CHRNA7: variants seen among roughly 807,000 people sequenced by gnomAD.
CHRNA7 encodes neuronal acetylcholine receptor subunit alpha-7.
CHRNA7 carries 17 observed loss-of-function variants against 48.0 expected under a neutral mutation model. That is an observed-to-expected ratio of 0.35 (90% CI 0.24 to 0.53). CHRNA7 has a LOEUF of 0.53. CHRNA7 is among the 20% of genes least tolerant of loss of function. The pLI, the probability that CHRNA7 is intolerant of heterozygous loss-of-function variation, is 0.92. For missense variants in CHRNA7, 155 were observed against 577.7 expected (o/e 0.27, Z 7.50); for synonymous variants, 75 against 242.3 (o/e 0.31, Z 6.41).
At chr15:32,102,119 C>T (rs2141262238) in intron 3 of CHRNA7, 1 of 150,386 alleles carries the variant, frequency 6.6e-6, no homozygotes, top group South Asian at 2.1e-4. Flanking sequence ...TTGAAAGTCT[C>T]TTTTTTGTTT....
At chr15:32,092,782 C>T (rs896680043) in intron 2 of CHRNA7, among the ~76,000 whole-genome samples, 3 of 152,108 alleles carry the variant, frequency 2.0e-5, no homozygotes, top group African/African-American at 7.2e-5. Flanking sequence ...TCATCTTATC[C>T]CCTTCCCTTT....
intron 2 of CHRNA7, among the ~76,000 whole-genome samples, chr15:32,050,439 G>A (rs8032704): frequency 0.21 from 32,573 of 152,012 alleles, 4,674 homozygotes; most frequent in South Asian, 0.4. Flanking sequence ...TGATCGCATC[G>A]GCTCCTGAGG....
At chr15:32,036,679 CAT>C (rs199829802) in intron 2 of CHRNA7, among the ~76,000 whole-genome samples, 1,617 of 151,818 alleles carry the variant, frequency 0.011, 27 homozygotes, top group African/African-American at 0.038. Flanking sequence ...TCCCTGATGA[CAT>C]ATGATGTGGA....
intron 3 of CHRNA7, chr15:32,111,216 C>G (rs1484096000): frequency 6.6e-6 from 1 of 152,332 alleles, no homozygotes; most frequent in African/African-American, 2.4e-5. Context: ...TCCTTTCGTC[C>G]TGACTCTGCG....
chr15:32,100,394 C>G (rs2050550071), intron 2 of CHRNA7: 1 of 152,212 alleles, frequency 6.6e-6, no homozygotes, highest in Admixed American at 6.5e-5. Context: ...CTCAGTATGA[C>G]TATTGTACAG....
At chr15:32,065,644 A>G (rs576127096) in intron 2 of CHRNA7, among the ~76,000 whole-genome samples, 1 of 152,364 alleles carries the variant, frequency 6.6e-6, no homozygotes, top group African/African-American at 2.4e-5. Context: ...AAGGCCTTAG[A>G]CTCTCACCTC....
chr15:32,040,596 A>G (rs11854316), intron 2 of CHRNA7, among the ~76,000 whole-genome samples: 9 of 91,968 alleles, frequency 9.8e-5, no homozygotes, highest in Non-Finnish European at 2.6e-4. Context: ...GTGTGTGTGT[A>G]TATGTGTGTA....
At chr15:32,044,737 A>T (rs770248426) in intron 2 of CHRNA7, among the ~76,000 whole-genome samples, 5 of 152,358 alleles carry the variant, frequency 3.3e-5, no homozygotes, top group South Asian at 2.1e-4. Context: ...AAAAAATTTC[A>T]GTTGCCCCAA....
Position 32,035,850 on chromosome 15 carries a change from A to G in CHRNA7, c.195+4813A>G, listed in dbSNP as rs189482064. On this transcript the variant is annotated intron_variant, in intron 2 of 9. Transcript: ENST00000306901. ...GAAGAAGAAGGTACAGAGATTTCCC[A>G]CAGCTTCCTCAATTATCAACATTCC... Among the ~76,000 whole-genome samples, 256 of 152,298 alleles carry G rather than the reference A, an allele frequency of 1.7e-3. 3 individuals are homozygous for G. The highest frequency in any genetic ancestry group is 5.0e-4 in the Non-Finnish European group (34 of 68,016).
chr15:32,053,256 C>G (rs1200691276), intron 2 of CHRNA7, among the ~76,000 whole-genome samples: 1 of 152,218 alleles, frequency 6.6e-6, no homozygotes, highest in Non-Finnish European at 1.5e-5. Flanking sequence ...GGGTTCAGCT[C>G]TCTCAGAGCT....
At chr15:32,080,863 A>G (rs898495061) in intron 2 of CHRNA7, among the ~76,000 whole-genome samples, 17 of 152,218 alleles carry the variant, frequency 1.1e-4, no homozygotes, top group African/African-American at 3.6e-4. Flanking sequence ...TTGTAGCACT[A>G]TTCACAATAG....
chr15:32,062,200 A>G (rs1213681951), intron 2 of CHRNA7, among the ~76,000 whole-genome samples: 4 of 152,222 alleles, frequency 2.6e-5, no homozygotes, highest in African/African-American at 9.7e-5. Context: ...GAACCTCACA[A>G]TACTGAAGGT....
chr15:32,098,387 G>A (rs1270379064), intron 2 of CHRNA7, among the ~76,000 whole-genome samples: 1 of 152,140 alleles, frequency 6.6e-6, no homozygotes, highest in Non-Finnish European at 1.5e-5. Flanking sequence ...GCCGGTCAAG[G>A]TCTTATAGGA....
chr15:32,115,957 G>C (rs907093393), intron 4 of CHRNA7, among the ~76,000 whole-genome samples: 1 of 152,116 alleles, frequency 6.6e-6, no homozygotes, highest in Non-Finnish European at 1.5e-5. Context: ...ATTCACACAG[G>C]AAATAGCAAA....
intron 2 of CHRNA7, among the ~76,000 whole-genome samples, chr15:32,052,461 T>A (rs2049707165): frequency 6.6e-6 from 1 of 152,206 alleles, no homozygotes; most frequent in Non-Finnish European, 1.5e-5. Flanking sequence ...CCAGGTGCGT[T>A]GGCTCACACT....
chr15:32,091,655 G>A (rs1340499602), intron 2 of CHRNA7, among the ~76,000 whole-genome samples: 3 of 152,126 alleles, frequency 2.0e-5, no homozygotes, highest in Non-Finnish European at 4.4e-5. Context: ...AGTAGGTGGG[G>A]GGTTTGGTTC....
intron 2 of CHRNA7, among the ~76,000 whole-genome samples, chr15:32,045,722 G>A (rs995298242): frequency 6.6e-6 from 1 of 151,342 alleles, no homozygotes; most frequent in Non-Finnish European, 1.5e-5. Context: ...CAACGTGCAG[G>A]TTTGTTACAT....
At chr15:32,135,716 A>C (rs980201493) in intron 4 of CHRNA7, among the ~76,000 whole-genome samples, 2 of 152,216 alleles carry the variant, frequency 1.3e-5, no homozygotes, top group African/African-American at 4.8e-5. Context: ...CCTCAGCTTC[A>C]GGAGATAAAA....
intron 4 of CHRNA7, among the ~76,000 whole-genome samples, chr15:32,128,505 T>C (rs2051105979): frequency 6.6e-6 from 1 of 151,994 alleles, no homozygotes; most frequent in African/African-American, 2.4e-5. Flanking sequence ...TTTTGTTAAA[T>C]TTATATTTGT....
Sources: gnomAD v4.1 joint callset for allele counts (sites outside exome capture counted in the v4.1 genomes callset) on GRCh38, gnomAD v4.1.1 for gene constraint, MANE v1.5 for transcripts, NCBI Gene and HGNC (gene_info 2026-07-23, HGNC 2026-07-21) for gene names.